NREP: variants seen among roughly 807,000 people sequenced by gnomAD.
The protein encoded by NREP is neuronal regeneration related protein.
In NREP, 5 loss-of-function variants were observed where a neutral mutation model predicts 8.6. The observed-to-expected ratio is 0.58, with a 90% CI of 0.30 to 1.22. The LOEUF is 1.22. NREP is among the 50% of genes most tolerant of loss of function. NREP has a pLI of 0.07. For missense variants in NREP, 86 were observed against 82.5 expected, an observed-to-expected ratio of 1.04 and a Z score of -0.17; for synonymous variants, 27 against 28.0, an observed-to-expected ratio of 0.96 and a Z score of 0.11.
At chr5:111,955,967 C>T (rs867423399) in intron 2 of NREP, among the ~76,000 whole-genome samples, 4 of 151,486 alleles carry the variant, frequency 2.6e-5, no homozygotes, top group Admixed American at 6.6e-5. Context: ...AAATCATTCA[C>T]CTAACCCCTG....
At chr5:111,840,444 T>C (rs552994365) in intron 2 of NREP, among the ~76,000 whole-genome samples, 2 of 152,144 alleles carry the variant, frequency 1.3e-5, no homozygotes, top group African/African-American at 2.4e-5. Context: ...ATCAGAAATA[T>C]TGGCTCAGCA....
intron 2 of NREP, among the ~76,000 whole-genome samples, chr5:111,932,800 C>T (rs900071966): frequency 6.6e-6 from 1 of 152,056 alleles, no homozygotes; most frequent in Non-Finnish European, 1.5e-5. Flanking sequence ...GAAGCCAAAG[C>T]CCTCTTGACT....
intron 2 of NREP, among the ~76,000 whole-genome samples, chr5:111,975,077 A>G (rs947045221): frequency 3.3e-5 from 5 of 152,240 alleles, no homozygotes; most frequent in Non-Finnish European, 5.9e-5. Context: ...TGGCAGTTAC[A>G]ATGCAGAGAT....
At chr5:111,881,620 C>T (rs1257525532) in intron 2 of NREP, among the ~76,000 whole-genome samples, 1 of 152,186 alleles carries the variant, frequency 6.6e-6, no homozygotes, top group Non-Finnish European at 1.5e-5. Flanking sequence ...CCGGGTACTC[C>T]TCTGCAACAG....
chr5:111,844,804 C>G lies in NREP; in HGVS notation c.136-109297G>C, dbSNP rs575177594. Among the ~76,000 whole-genome samples the G allele has an allele frequency of 5.4e-4, 81 of 150,436 alleles. No homozygotes were observed. In the South Asian group the frequency reaches 0.016, roughly 30 times the overall value. On this transcript the variant is annotated intron_variant, in intron 2 of 3. Coordinates refer to the NREP transcript ENST00000395634. ...CTATGTTTCTGGAGATAAAATACCC[C>G]AATAATTCCTAACAAGGGCTATGTG...
intron 2 of NREP, among the ~76,000 whole-genome samples, chr5:111,747,418 G>A (rs942563859): frequency 1.3e-5 from 2 of 152,102 alleles, no homozygotes; most frequent in African/African-American, 2.4e-5. Flanking sequence ...TTTCCCTGCT[G>A]GAAATGTATC....
intron 2 of NREP, among the ~76,000 whole-genome samples, chr5:111,822,537 T>A (rs541669101): frequency 2.6e-5 from 4 of 152,182 alleles, no homozygotes; most frequent in Non-Finnish European, 5.9e-5. Context: ...CTTACAAAGA[T>A]TGAAACACAG....
At position 111,804,628 on chromosome 5, in the gene NREP, T is replaced by C. The variant is rs552930555; in HGVS notation, c.136-69121A>G. On this transcript the variant is annotated intron_variant, in intron 2 of 3. Transcript: ENST00000395634. ...TAAATTGGGAGACATATTTGCAATA[T>C]ACAGTTCAGGGAAAGCGCTGCTATC... Among the ~76,000 whole-genome samples the C allele has an allele frequency of 3.3e-5, 5 of 152,152 alleles. 1 individual carries two copies. Among genetic ancestry groups the C allele is most frequent in the South Asian group, 2.1e-4 (1 of 4,822 alleles).
At chr5:111,760,733 T>C (rs1351520181), upstream of NREP, among the ~76,000 whole-genome samples, 1 of 152,172 alleles carries the variant, frequency 6.6e-6, no homozygotes, top group African/African-American at 2.4e-5. Flanking sequence ...ATTTGACTGA[T>C]GACTGATGAC....
At chr5:111,793,354 G>T (rs1337408245) in intron 2 of NREP, among the ~76,000 whole-genome samples, 1 of 152,156 alleles carries the variant, frequency 6.6e-6, no homozygotes, top group African/African-American at 2.4e-5. Flanking sequence ...GTATGAGTCT[G>T]AAGGGGGAGG....
intron 2 of NREP, among the ~76,000 whole-genome samples, chr5:111,877,776 T>C (rs759245609): frequency 6.6e-6 from 1 of 152,128 alleles, no homozygotes; most frequent in Non-Finnish European, 1.5e-5. Flanking sequence ...GGTTTTACAG[T>C]TGAAGACTCT....
intron 2 of NREP, among the ~76,000 whole-genome samples, chr5:111,867,861 C>A (rs542957393): frequency 6.6e-6 from 1 of 151,764 alleles, no homozygotes; most frequent in Non-Finnish European, 1.5e-5. Flanking sequence ...ACCATTTTAA[C>A]CAGTTCAAAC....
At chr5:111,889,557 T>G (rs1212952169) in intron 2 of NREP, among the ~76,000 whole-genome samples, 2 of 152,198 alleles carry the variant, frequency 1.3e-5, no homozygotes, top group Non-Finnish European at 2.9e-5. Context: ...TTCTCAATAG[T>G]ACCCCAAAGT....
chr5:111,777,608 A>T (rs972399161), intron 2 of NREP, among the ~76,000 whole-genome samples: 2 of 152,114 alleles, frequency 1.3e-5, no homozygotes, highest in African/African-American at 4.8e-5. Flanking sequence ...CATTATGTGT[A>T]TATTTGTGGT....
chr5:111,921,188 T>G, intron 2 of NREP, among the ~76,000 whole-genome samples: 1 of 151,914 alleles, frequency 6.6e-6, no homozygotes, highest in African/African-American at 2.4e-5. Flanking sequence ...CCCTCAGGAG[T>G]GGAGACCCTA....
At position 111,823,263 on chromosome 5, in the gene NREP, A is replaced by G. The variant is rs146496108; in HGVS notation, c.136-87756T>C. 1.1e-4 allele frequency among the ~76,000 whole-genome samples: 17 copies of G among 152,324 alleles called. No homozygotes were observed. In the East Asian group the frequency reaches 3.3e-3, roughly 29 times the overall value. On this transcript the variant is annotated intron_variant, in intron 2 of 3. Coordinates refer to the NREP transcript ENST00000395634. Reference sequence around the variant, plus strand: ...ATCTATTCATGAGAGATACAACCCCATGACCCAAACACCTCCCACAAGACC... The same window carrying G: ...ATCTATTCATGAGAGATACAACCCCGTGACCCAAACACCTCCCACAAGACC...
At chr5:111,862,552 G>A (rs917333997) in intron 2 of NREP, among the ~76,000 whole-genome samples, 2 of 152,060 alleles carry the variant, frequency 1.3e-5, no homozygotes, top group Admixed American at 6.6e-5. Context: ...CAACGTTCTC[G>A]AAAAATTGCC....
At chr5:111,896,647 C>A (rs1455709141) in intron 2 of NREP, among the ~76,000 whole-genome samples, 2 of 152,190 alleles carry the variant, frequency 1.3e-5, no homozygotes, top group South Asian at 4.1e-4. Context: ...TCATGCCCTA[C>A]CTCTTATAAC....
At chr5:111,831,100 T>C (rs545589292) in intron 2 of NREP, among the ~76,000 whole-genome samples, 11 of 152,310 alleles carry the variant, frequency 7.2e-5, no homozygotes, top group African/African-American at 2.6e-4. Context: ...GCTACAAGTC[T>C]GTGTAACTGA....
Sources: allele counts gnomAD v4.1 joint callset (sites outside exome capture counted in the v4.1 genomes callset), GRCh38; gene constraint gnomAD v4.1.1; transcripts MANE v1.5; gene names NCBI Gene and HGNC (gene_info 2026-07-23, HGNC 2026-07-21).